Variants in CNNM4 observed in about 807,000 individuals in gnomAD.
The protein encoded by CNNM4 is metal transporter CNNM4.
Under a neutral mutation model 53.7 loss-of-function variants are expected in CNNM4, and 32 were observed. That is an observed-to-expected ratio of 0.60 (90% CI 0.45 to 0.80). The LOEUF (loss-of-function observed/expected upper bound fraction) is 0.80, where lower values mean the gene tolerates loss of function less well. CNNM4 is among the 30% of genes least tolerant of loss of function. The pLI, the probability that CNNM4 is intolerant of heterozygous loss-of-function variation, is 0.00. For missense variants in CNNM4, 784 were observed against 1,022.0 expected (o/e 0.77, Z 3.17); for synonymous variants, 410 against 440.0 (o/e 0.93, Z 0.85).
intron 1 of CNNM4, among the ~76,000 whole-genome samples, chr2:96,767,632 A>G (rs182906784): frequency 6.6e-5 from 10 of 151,718 alleles, no homozygotes; most frequent in Non-Finnish European, 1.3e-4. Context: ...TTCCCCACCC[A>G]CCTTATAACC....
chr2:96,774,285 T>C (rs1415980657), intron 1 of CNNM4, among the ~76,000 whole-genome samples: 1 of 152,074 alleles, frequency 6.6e-6, no homozygotes, highest in Non-Finnish European at 1.5e-5. Context: ...GAGTCTCTGT[T>C]CCCTTGGAGC....
intron 1 of CNNM4, among the ~76,000 whole-genome samples, chr2:96,765,255 T>C (rs1376203370): frequency 2.0e-5 from 3 of 150,890 alleles, no homozygotes; most frequent in African/African-American, 7.3e-5. Context: ...GCCTCCTGAG[T>C]AGCTGGGGTT....
chr2:96,790,241 C>T (rs1258911820), intron 1 of CNNM4, among the ~76,000 whole-genome samples: 4 of 151,676 alleles, frequency 2.6e-5, no homozygotes, highest in Admixed American at 2.0e-4. Flanking sequence ...CTCCTGACCT[C>T]GTGATCCACG....
At chr2:96,799,927 G>A (rs1015872330) in intron 5 of CNNM4, among the ~76,000 whole-genome samples, 4 of 152,216 alleles carry the variant, frequency 2.6e-5, no homozygotes, top group Non-Finnish European at 4.4e-5. Context: ...TCCAGAGGTT[G>A]TGAGGAGACC....
intron 1 of CNNM4, among the ~76,000 whole-genome samples, chr2:96,764,612 TC>T (rs1200191169): frequency 6.6e-6 from 1 of 152,186 alleles, no homozygotes; most frequent in African/African-American, 2.4e-5. Flanking sequence ...CGTGGCCTCT[TC>T]CAGACCTTCC....
At position 96,762,359 on chromosome 2, in the gene CNNM4, C is replaced by T. The variant is rs2078773481; in HGVS notation, c.1360C>T (p.His454Tyr). Residue 454 changes from histidine (H) to tyrosine (Y), a missense_variant, in exon 1 of 7, where the codon CAT becomes TAT. Physicochemically the swap from His to Tyr is moderately conservative, Grantham distance 83 (BLOSUM62 2). This residue lies in a region of CNNM4 where 473 missense variants were observed against 624.6 expected (regional missense o/e 0.76). Coordinates refer to ENST00000377075, the MANE Select transcript of CNNM4 (RefSeq NM_020184.4). ...TAACCACCCGGTGCACTTTGTCTTC[C>T]ATGACACCAAGTTGGATGCCATGCT... is the stretch of plus-strand genomic sequence containing the variant. ...FYNHPVHFVFHDTKLDAMLEE... is the reference protein window; with the variant it reads ...FYNHPVHFVFYDTKLDAMLEE... The T allele has an allele frequency of 6.2e-7, 1 of 1,614,200 alleles. No homozygotes were observed.
Position 96,799,118 on chromosome 2 carries a change from C to A in CNNM4, c.1743C>A (p.Tyr581Ter). 6.2e-7 allele frequency: 1 copy of A among 1,614,066 alleles called. No homozygotes were observed. Among genetic ancestry groups the A allele is most frequent in the Non-Finnish European group, 8.5e-7 (1 of 1,179,914 alleles). ...SEKILLRLLK[Y>*]PDVIQELKFD... The stretch of plus-strand genomic sequence containing the variant: ...AGATCCTGCTGCGGCTACTCAAGTA[C>A]CCAGATGTCATTCAGGAACTCAAGT... The change falls in exon 4 of 7, where the codon TAC becomes TAA. Residue 581 changes from tyrosine to a stop codon, truncating the protein, a stop_gained. Transcript: ENST00000377075. LOFTEE classifies it high-confidence loss of function.
At chr2:96,767,394 G>T (rs2078828281) in intron 1 of CNNM4, among the ~76,000 whole-genome samples, 1 of 152,140 alleles carries the variant, frequency 6.6e-6, no homozygotes, top group Non-Finnish European at 1.5e-5. Context: ...GGTGTTGTGG[G>T]TGGGTTTGTC....
chr2:96,761,406 C>A lies in CNNM4; in HGVS notation c.407C>A (p.Thr136Asn). The change falls in exon 1 of 7, where the codon ACC becomes AAC. Residue 136 changes from threonine (T) to asparagine (N), a missense_variant. By Grantham distance (65) the Thr-to-Asn change is moderately conservative (BLOSUM62 0). Transcript: ENST00000377075. This position sits in a 1 kb window ranked among gnomAD's most constrained non-coding sequence, Gnocchi z 6.0. ...GNTSGVLVVL[T>N]KFLRRSESMK... ...ACGTCCGGCGTGCTGGTGGTGCTCACCAAGTTCCTCCGGAGGAGCGAGAGC... is the reference window on the plus strand; with the variant it reads ...ACGTCCGGCGTGCTGGTGGTGCTCAACAAGTTCCTCCGGAGGAGCGAGAGC... The A allele has an allele frequency of 6.2e-7, 1 of 1,614,112 alleles. No individual in the cohort carries two copies. Among genetic ancestry groups the A allele is most frequent in the Non-Finnish European group, 8.5e-7 (1 of 1,180,036 alleles).
chr2:96,789,840 G>C (rs1173507847), intron 1 of CNNM4, among the ~76,000 whole-genome samples: 1 of 147,758 alleles, frequency 6.8e-6, no homozygotes, highest in Admixed American at 6.8e-5. Context: ...TTACAGGCCC[G>C]CGCCACCACG....
At chr2:96,783,246 C>T (rs537840753) in intron 1 of CNNM4, among the ~76,000 whole-genome samples, 11 of 152,172 alleles carry the variant, frequency 7.2e-5, no homozygotes, top group South Asian at 4.2e-4. Flanking sequence ...GGGGCAGGGG[C>T]GAGATGGCTG....
intron 5 of CNNM4, among the ~76,000 whole-genome samples, chr2:96,806,190 T>A (rs2079204467): frequency 1.3e-5 from 2 of 152,170 alleles, no homozygotes; most frequent in African/African-American, 4.8e-5. Flanking sequence ...GACACCTTCT[T>A]TTCAGTTTTA....
intron 1 of CNNM4, among the ~76,000 whole-genome samples, chr2:96,770,607 C>T (rs914251904): frequency 6.6e-6 from 1 of 152,222 alleles, no homozygotes; most frequent in Non-Finnish European, 1.5e-5. Context: ...GGCTGCTTCC[C>T]CTCCTTTTCT....
At chr2:96,793,058 G>C (rs1352363411) in intron 1 of CNNM4, among the ~76,000 whole-genome samples, 1 of 152,130 alleles carries the variant, frequency 6.6e-6, no homozygotes, top group East Asian at 1.9e-4. Context: ...GGGACCAGGT[G>C]TACAGACTGA....
chr2:96,772,146 C>T (rs2078877163), intron 1 of CNNM4, among the ~76,000 whole-genome samples: 1 of 151,980 alleles, frequency 6.6e-6, no homozygotes, highest in Non-Finnish European at 1.5e-5. Flanking sequence ...GGGCCACTCC[C>T]ACACATGTGC....
chr2:96,780,089 C>T (rs1286892919), intron 1 of CNNM4, among the ~76,000 whole-genome samples: 2 of 152,194 alleles, frequency 1.3e-5, no homozygotes, highest in South Asian at 2.1e-4. Flanking sequence ...CAGGAGCCAC[C>T]GCGCCTGGCC....
Position 96,761,996 on chromosome 2 carries a change from C to T in CNNM4, c.997C>T (p.Arg333Cys), listed in dbSNP as rs1014216906. 5 of 1,614,162 alleles carry T rather than the reference C, an allele frequency of 3.1e-6. No homozygotes were observed. Among genetic ancestry groups the T allele is most frequent in the Non-Finnish European group, 3.4e-6 (4 of 1,180,032 alleles). The change falls in exon 1 of 7, where the codon CGC becomes TGC. Residue 333 changes from arginine to cysteine, a missense_variant. Arg to Cys is a radical substitution (Grantham distance 180, BLOSUM62 -3). This residue lies in a region of CNNM4 where 473 missense variants were observed against 624.6 expected (regional missense o/e 0.76). Transcript: ENST00000377075. The surrounding 1 kb of genome is among the most constrained non-coding windows in gnomAD (Gnocchi z 6.0). Reference sequence around the variant, plus strand: ...GGACTTTTTTCTGGGCCAGGAGATTCGCACTGTTTACAACCGGGAGAAGCT... The same window carrying T: ...GGACTTTTTTCTGGGCCAGGAGATTTGCACTGTTTACAACCGGGAGAAGCT... ...LLDFFLGQEI[R>C]TVYNREKLME...
At position 96,762,325 on chromosome 2, in the gene CNNM4, T is replaced by G. The variant is rs761775711; in HGVS notation, c.1326T>G (p.Thr442=). The change falls in exon 1 of 7, where the codon ACT becomes ACG. Residue 442 remains threonine, a synonymous_variant. Coordinates refer to ENST00000377075, the MANE Select transcript of CNNM4 (RefSeq NM_020184.4). ...ACTGCACCCCCCTCAAGACTATCAC[T>G]CGCTTCTATAACCACCCGGTGCACT... The part of the protein sequence containing the change: ...PDDCTPLKTI[T]RFYNHPVHFV... 6.2e-7 allele frequency: 1 copy of G among 1,614,130 alleles called. No homozygotes were observed. The highest frequency in any genetic ancestry group is 1.7e-5 in the Admixed American group (1 of 60,010).
chr2:96,789,692 A>G (rs2079043767), intron 1 of CNNM4, among the ~76,000 whole-genome samples: 2 of 151,326 alleles, frequency 1.3e-5, no homozygotes. Flanking sequence ...ATTTTATTTT[A>G]TTAGTTAATT....
Sources: allele counts gnomAD v4.1 joint callset (sites outside exome capture counted in the v4.1 genomes callset), GRCh38; gene constraint gnomAD v4.1.1; regional missense constraint gnomAD v4.1.1; non-coding constraint Gnocchi (gnomAD v3.1); transcripts MANE v1.5; gene names NCBI Gene and HGNC (gene_info 2026-07-23, HGNC 2026-07-21).